ARHGAP20: variants seen among roughly 807,000 people sequenced by gnomAD.
ARHGAP20 encodes the protein rho GTPase-activating protein 20.
ARHGAP20 carries 34 observed loss-of-function variants against 73.7 expected under a neutral mutation model. The observed-to-expected ratio is 0.46, with a 90% CI of 0.35 to 0.61. ARHGAP20 has a LOEUF of 0.61. Among genes scored for constraint, ARHGAP20 ranks in the 20% least tolerant of loss-of-function variants. ARHGAP20 has a pLI of 0.00. For synonymous variants in ARHGAP20, 523 were observed against 518.2 expected (o/e 1.01, Z -0.13); for missense variants, 1,314 against 1,420.9 (o/e 0.92, Z 1.21).
intron 7 of ARHGAP20, among the ~76,000 whole-genome samples, chr11:110,610,754 C>T (rs1010592583): frequency 4.6e-5 from 7 of 152,194 alleles, no homozygotes; most frequent in East Asian, 1.9e-4. Context: ...CTAAAGCTCT[C>T]GAAATCCATG....
At chr11:110,627,897 T>C (rs1209418886) in intron 3 of ARHGAP20, among the ~76,000 whole-genome samples, 1 of 152,216 alleles carries the variant, frequency 6.6e-6, no homozygotes, top group African/African-American at 2.4e-5. Context: ...TGCAAATGCA[T>C]ATCAAAAGTG....
intron 2 of ARHGAP20, among the ~76,000 whole-genome samples, chr11:110,640,733 T>G (rs1949060473): frequency 7.9e-6 from 1 of 127,000 alleles, no homozygotes; most frequent in Non-Finnish European, 1.6e-5. Flanking sequence ...ATATGTACTG[T>G]AACTTCAATG....
chr11:110,635,536 A>G (rs1435149879), intron 2 of ARHGAP20, among the ~76,000 whole-genome samples: 1 of 152,104 alleles, frequency 6.6e-6, no homozygotes, highest in Non-Finnish European at 1.5e-5. Flanking sequence ...GCTAAGTTGA[A>G]CTTTTGAGAG....
At chr11:110,684,527 T>TA (rs1950095599) in intron 2 of ARHGAP20, among the ~76,000 whole-genome samples, 1 of 152,084 alleles carries the variant, frequency 6.6e-6, no homozygotes, top group African/African-American at 2.4e-5. Context: ...TCAAAGAACT[T>TA]AAAATAGAAA....
intron 1 of ARHGAP20, among the ~76,000 whole-genome samples, chr11:110,701,775 A>G (rs376361434): frequency 4.0e-5 from 6 of 151,890 alleles, no homozygotes; most frequent in Admixed American, 2.0e-4. Context: ...TGTAAGGAAG[A>G]GATCCAGTTT....
At chr11:110,597,693 C>T (rs1384434565) in intron 9 of ARHGAP20, among the ~76,000 whole-genome samples, 1 of 152,176 alleles carries the variant, frequency 6.6e-6, no homozygotes, top group Non-Finnish European at 1.5e-5. Flanking sequence ...AAGTTATATA[C>T]TCAGCTACCC....
chr11:110,613,299 C>T (rs1451379508), intron 6 of ARHGAP20, among the ~76,000 whole-genome samples: 5 of 152,190 alleles, frequency 3.3e-5, no homozygotes, highest in Admixed American at 6.5e-5. Context: ...TATAACTAGA[C>T]GGCAAAGACA....
At position 110,578,088 on chromosome 11, in the gene ARHGAP20, C is replaced by A. The variant is rs554219781; in HGVS notation, c.*1282G>T. The stretch of plus-strand genomic sequence containing the variant: ...CATCCCTGCATACTAGTTGGCAAGG[C>A]CTGATAATCTATTCCTAGGTGACGA... On this transcript the variant is annotated 3_prime_UTR_variant, in exon 15 of 15. Transcript: ENST00000683387. The A allele has an allele frequency of 6.1e-6, 6 of 985,326 alleles. No individual in the cohort carries two copies. The East Asian group carries it at 6.8e-4, about 112-fold the overall frequency. The allele number at this position is 985,326 out of a possible 1,614,324, so 61.0% of individuals were successfully genotyped here.
intron 2 of ARHGAP20, among the ~76,000 whole-genome samples, chr11:110,681,732 G>T (rs1177031221): frequency 6.6e-6 from 1 of 152,166 alleles, no homozygotes; most frequent in African/African-American, 2.4e-5. Flanking sequence ...GAGCATGGTG[G>T]TGTGTGGTCA....
chr11:110,694,635 T>G (rs1950302773), intron 1 of ARHGAP20, among the ~76,000 whole-genome samples: 1 of 151,668 alleles, frequency 6.6e-6, no homozygotes. Context: ...ACTCTGTGTG[T>G]TCCTTCATAT....
chr11:110,633,762 C>T (rs1251823114), intron 2 of ARHGAP20, among the ~76,000 whole-genome samples: 1 of 152,062 alleles, frequency 6.6e-6, no homozygotes, highest in African/African-American at 2.4e-5. Context: ...GAGGGAAAGC[C>T]TATTGTGGCT....
At chr11:110,638,673 A>G (rs1480094875) in intron 2 of ARHGAP20, among the ~76,000 whole-genome samples, 1 of 152,074 alleles carries the variant, frequency 6.6e-6, no homozygotes, top group African/African-American at 2.4e-5. Flanking sequence ...TGCAGCCATA[A>G]AAAATGATGA....
At chr11:110,682,694 G>T (rs1429386429) in intron 2 of ARHGAP20, among the ~76,000 whole-genome samples, 1 of 152,106 alleles carries the variant, frequency 6.6e-6, no homozygotes, top group Non-Finnish European at 1.5e-5. Flanking sequence ...GAGCCAGAAG[G>T]CTTGAGTCTT....
intron 11 of ARHGAP20, among the ~76,000 whole-genome samples, chr11:110,589,259 A>T (rs1947757952): frequency 6.6e-6 from 1 of 152,176 alleles, no homozygotes; most frequent in African/African-American, 2.4e-5. Context: ...GTAATCATAA[A>T]CCCTGTGCAA....
In ARHGAP20 at chr11:110,580,884, T is replaced by G. The variant is rs771578373; in HGVS notation, c.2062A>C (p.Thr688Pro). The change falls in exon 15 of 15, where the codon ACA (threonine) becomes CCA (proline). Residue 688 changes from threonine to proline, a missense_variant. Around this residue, in one of 3 missense-constraint regions of ARHGAP20, gnomAD observed 641 missense variants for 636.9 expected, o/e 1.01. Transcript: ENST00000683387. The part of the protein sequence containing the change: ...SAMCTPSYLS[T>P]AAANAAKSLR... ...CTTTTTGCAGCATTTGCTGCAGCTG[T>G]GGACAGGTAGCTGGGTGTGCACATG... 11 of 1,612,954 alleles carry G rather than the reference T, an allele frequency of 6.8e-6. No individual in the cohort carries two copies. The highest frequency in any genetic ancestry group is 1.7e-4 in the Middle Eastern group (1 of 6,058).
chr11:110,675,032 C>T (rs1211664492), intron 2 of ARHGAP20, among the ~76,000 whole-genome samples: 1 of 152,156 alleles, frequency 6.6e-6, no homozygotes, highest in African/African-American at 2.4e-5. Context: ...AACCCATCAC[C>T]TTTACATTCA....
chr11:110,598,868 AGGACCT>A (rs1948038458), intron 9 of ARHGAP20, among the ~76,000 whole-genome samples: 1 of 152,124 alleles, frequency 6.6e-6, no homozygotes, highest in Non-Finnish European at 1.5e-5. Context: ...CTGGGCTCTC[AGGACCT>A]GGGAGCAGGT....
At chr11:110,622,451 C>A (rs1401525095) in intron 4 of ARHGAP20, among the ~76,000 whole-genome samples, 1 of 152,144 alleles carries the variant, frequency 6.6e-6, no homozygotes, top group East Asian at 1.9e-4. Flanking sequence ...AAATGTTATT[C>A]TTTTACATTA....
In ARHGAP20 at chr11:110,577,735, TA is replaced by T. The variant is rs1039646716; in HGVS notation, c.*1634del. The T allele has an allele frequency of 1.0e-6, 1 of 985,802 alleles. No individual in the cohort carries two copies. Among genetic ancestry groups the T allele is most frequent in the African/African-American group, 1.7e-5 (1 of 57,238 alleles). The allele number at this position is 985,802 out of a possible 1,614,324, so 61.1% of individuals were successfully genotyped here. On this transcript the variant is annotated 3_prime_UTR_variant, in exon 15 of 15. Transcript: ENST00000683387. Reference sequence around the variant, plus strand: ...AAGTAGCTCTTTGGATACAGAGTTCTAAAAGATCATTGTAATGGTTAGCGCA... The same window carrying T: ...AAGTAGCTCTTTGGATACAGAGTTCTAAAGATCATTGTAATGGTTAGCGCA...
Sources: gnomAD v4.1 joint callset for allele counts (sites outside exome capture counted in the v4.1 genomes callset) on GRCh38, gnomAD v4.1.1 for gene constraint, gnomAD v4.1.1 regional missense constraint, MANE v1.5 for transcripts, NCBI Gene and HGNC (gene_info 2026-07-23, HGNC 2026-07-21) for gene names.